ATP2B4: variants seen among roughly 807,000 people sequenced by gnomAD.
ATP2B4 encodes the protein plasma membrane calcium-transporting ATPase 4.
ATP2B4 carries 39 observed loss-of-function variants against 110.3 expected under a neutral mutation model. The ratio of observed to expected loss-of-function variants is 0.35; its 90% confidence interval spans 0.27 to 0.46. The LOEUF is 0.46. Ranked by LOEUF, ATP2B4 falls within the 20% of genes least tolerant of loss-of-function variation. ATP2B4 has a pLI of 1.00. For synonymous variants in ATP2B4, 538 were observed against 571.7 expected (o/e 0.94, Z 0.84); for missense variants, 1,135 against 1,530.9 (o/e 0.74, Z 4.32).
chr1:203,676,885 T>G (rs1664845101), intron 1 of ATP2B4, among the ~76,000 whole-genome samples: 1 of 152,160 alleles, frequency 6.6e-6, no homozygotes, highest in African/African-American at 2.4e-5. Flanking sequence ...AGTCTATCCC[T>G]ATGCCTTCCC....
At chr1:203,733,177 G>C (rs759255533) in intron 20 of ATP2B4, 1 of 1,558,160 alleles carries the variant, frequency 6.4e-7, no homozygotes, top group Admixed American at 1.8e-5. Context: ...CACCTCTCTC[G>C]GACTGACTGT....
chr1:203,685,100 C>T (rs1665140718), intron 2 of ATP2B4, among the ~76,000 whole-genome samples: 1 of 152,206 alleles, frequency 6.6e-6, no homozygotes, highest in Admixed American at 6.5e-5. Context: ...ATCCGCTCAC[C>T]TCAACCTCCC....
intron 20 of ATP2B4, among the ~76,000 whole-genome samples, chr1:203,737,811 A>C (rs2102242217): frequency 6.6e-6 from 1 of 152,312 alleles, no homozygotes; most frequent in African/African-American, 2.4e-5. Context: ...GAGCACCCTC[A>C]GTCTTGGGTG....
intron 19 of ATP2B4, 119 bp downstream of exon 19, chr1:203,724,107 T>C: frequency 1.3e-6 from 1 of 761,118 alleles, no homozygotes; most frequent in Non-Finnish European, 2.0e-6. Context: ...TCTTCTCCTC[T>C]TCCCTCCCCA....
At chr1:203,713,675 G>A (rs1393151527) in intron 14 of ATP2B4, among the ~76,000 whole-genome samples, 1 of 152,094 alleles carries the variant, frequency 6.6e-6, no homozygotes, top group East Asian at 1.9e-4. Context: ...ATGTTGACCA[G>A]GCTGGTCTCG....
chr1:203,650,456 C>T (rs1187380919), intron 1 of ATP2B4, among the ~76,000 whole-genome samples: 2 of 152,210 alleles, frequency 1.3e-5, no homozygotes, highest in Non-Finnish European at 2.9e-5. Flanking sequence ...TGAGCAATCG[C>T]TGCTGCCCAG....
intron 20 of ATP2B4, among the ~76,000 whole-genome samples, chr1:203,736,459 A>T (rs1034810500): frequency 3.9e-4 from 59 of 150,440 alleles, no homozygotes; most frequent in Non-Finnish European, 7.0e-4. Flanking sequence ...CAAGAGTGAA[A>T]CTCCATCCCC....
At chr1:203,657,887 A>G (rs1194876313) in intron 1 of ATP2B4, 10 of 300,244 alleles carry the variant, frequency 3.3e-5, no homozygotes, top group Admixed American at 1.5e-4. Context: ...TATTTGTAGT[A>G]GAGACAGGGT....
At chr1:203,671,938 G>GA (rs1269396326) in intron 1 of ATP2B4, among the ~76,000 whole-genome samples, 1 of 152,176 alleles carries the variant, frequency 6.6e-6, no homozygotes, top group Non-Finnish European at 1.5e-5. Context: ...CCACAGAGGG[G>GA]ATGGGGGCTT....
In ATP2B4 at chr1:203,629,639, G is replaced by T. The variant is rs1198686246; in HGVS notation, c.-465+2420G>T. Among the ~76,000 whole-genome samples the T allele has an allele frequency of 2.6e-5, 4 of 152,086 alleles. No homozygotes were observed. Among genetic ancestry groups the T allele is most frequent in the African/African-American group, 7.2e-5 (3 of 41,424 alleles). On this transcript the variant is annotated intron_variant, in intron 1 of 20. Transcript: ENST00000357681. The surrounding 1 kb of genome is among the most constrained non-coding windows in gnomAD (Gnocchi z 4.6). ...TCCGCGGCCTCTGCGACCCCGCCCCGCCAGCCTCTCCGCCGCTGGGCTCCA... is the reference window on the plus strand; with the variant it reads ...TCCGCGGCCTCTGCGACCCCGCCCCTCCAGCCTCTCCGCCGCTGGGCTCCA...
intron 1 of ATP2B4, among the ~76,000 whole-genome samples, chr1:203,665,799 C>CAA (rs11371841): frequency 0.82 from 109,109 of 132,554 alleles, 46,674 homozygotes; most frequent in Non-Finnish European, 0.95. Context: ...GACTCCATCT[C>CAA]AAAAAAAAAA....
chr1:203,673,160 G>A (rs957326152), intron 1 of ATP2B4, among the ~76,000 whole-genome samples: 1 of 152,180 alleles, frequency 6.6e-6, no homozygotes, highest in East Asian at 1.9e-4. Context: ...GTGGTCCCCA[G>A]ACCAGATGCA....
At chr1:203,703,501 G>C (rs988353229) in intron 7 of ATP2B4, 151 bp from the exon 8 acceptor site, 3 of 811,394 alleles carry the variant, frequency 3.7e-6, no homozygotes, top group Non-Finnish European at 6.0e-6. Flanking sequence ...CAAGTTCCAT[G>C]TCTAGCATGG....
At chr1:203,709,204 A>G in intron 10 of ATP2B4, 97 bp from the exon 11 acceptor site, 1 of 1,492,536 alleles carries the variant, frequency 6.7e-7, no homozygotes, top group East Asian at 2.3e-5. Context: ...CTCCAGGTAT[A>G]TAATGTGAAG....
At chr1:203,714,466 A>G (rs1020783760) in intron 15 of ATP2B4, among the ~76,000 whole-genome samples, 189 bp downstream of exon 15, 3 of 152,164 alleles carry the variant, frequency 2.0e-5, no homozygotes, top group Non-Finnish European at 2.9e-5. Flanking sequence ...AGTATGAAGA[A>G]TAGATAAGAG....
chr1:203,733,089 G>A, intron 20 of ATP2B4: 1 of 725,302 alleles, frequency 1.4e-6, no homozygotes, highest in Non-Finnish European at 2.1e-6. Flanking sequence ...GCTCTCTCTT[G>A]CTCTCTCCTG....
intron 1 of ATP2B4, among the ~76,000 whole-genome samples, chr1:203,632,617 A>G (rs868100078): frequency 6.6e-6 from 1 of 151,726 alleles, no homozygotes; most frequent in Admixed American, 6.6e-5. Flanking sequence ...TGCTGGGATT[A>G]CAGGCGTGAG....
chr1:203,659,784 T>TA (rs967102449), intron 1 of ATP2B4, among the ~76,000 whole-genome samples: 12 of 151,752 alleles, frequency 7.9e-5, no homozygotes, highest in African/African-American at 1.7e-4. Context: ...ACCCTGTTGC[T>TA]AAAAAAAATA....
chr1:203,672,342 TTTTTTTTTTTTTTTA>T (rs1408638150), intron 1 of ATP2B4, among the ~76,000 whole-genome samples: 1 of 140,768 alleles, frequency 7.1e-6, no homozygotes. Flanking sequence ...TTTTTTTTTT[TTTTTTTTTTTTTTTA>T]AAGCTGATTT....
Sources: gnomAD v4.1 joint callset for allele counts (sites outside exome capture counted in the v4.1 genomes callset) on GRCh38, gnomAD v4.1.1 for gene constraint, Gnocchi (gnomAD v3.1) non-coding constraint, MANE v1.5 for transcripts, NCBI Gene and HGNC (gene_info 2026-07-23, HGNC 2026-07-21) for gene names.